The following KCNMA1 variants were observed in gnomAD, a reference collection of about 807,000 sequenced individuals.
KCNMA1 encodes the protein Calcium-activated potassium channel subunit alpha-1.
KCNMA1 carries 29 observed loss-of-function variants against 140.0 expected under a neutral mutation model. The ratio of observed to expected loss-of-function variants is 0.21; its 90% CI spans 0.15 to 0.28. The LOEUF (loss-of-function observed/expected upper bound fraction) is 0.28. KCNMA1 is among the 10% of genes least tolerant of loss of function. The probability of loss-of-function intolerance (pLI) is 1.00; values close to 1 mark genes in which losing one functional copy is unlikely to be tolerated. For synonymous variants in KCNMA1, 612 were observed against 611.9 expected (o/e 1.00, Z 0.00); for missense variants, 880 against 1,602.2 (o/e 0.55, Z 7.70).
At chr10:77,502,852 G>A (rs898884242) in intron 1 of KCNMA1, among the ~76,000 whole-genome samples, 1 of 152,176 alleles carries the variant, frequency 6.6e-6, no homozygotes, top group African/African-American at 2.4e-5. Context: ...AATAGATACC[G>A]AACTGGAAGT....
intron 3 of KCNMA1, among the ~76,000 whole-genome samples, chr10:77,200,825 T>C (rs950768648): frequency 1.3e-5 from 2 of 152,120 alleles, no homozygotes; most frequent in African/African-American, 4.8e-5. Flanking sequence ...ATAGACAAAT[T>C]GTATACATGT....
chr10:77,324,601 G>A (rs901313069), intron 2 of KCNMA1, among the ~76,000 whole-genome samples: 1 of 152,070 alleles, frequency 6.6e-6, no homozygotes, highest in Admixed American at 6.5e-5. Flanking sequence ...TAGAGACAGG[G>A]TATCACTATG....
In KCNMA1 at chr10:77,108,226, A is replaced by G; in HGVS notation, c.1223+255T>C. The G allele has an allele frequency of 1.5e-6, 2 of 1,294,568 alleles. No individual in the cohort carries two copies. The highest frequency in any genetic ancestry group is 2.8e-5 in the Admixed American group (1 of 35,188). The allele number at this position is 1,294,568 out of a possible 1,614,324, so 80.2% of individuals were successfully genotyped here. On this transcript the variant is annotated intron_variant, in intron 9 of 27. Transcript: ENST00000286628. This position sits in a 1 kb window ranked among gnomAD's most constrained non-coding sequence, Gnocchi z 4.6. ...TGGGGAGGGGCAGAATTCAGATGGC[A>G]CCTCCACAGGGACTCCTGAAAGTCA...
intron 9 of KCNMA1, among the ~76,000 whole-genome samples, chr10:77,101,232 C>T (rs903817152): frequency 3.9e-5 from 6 of 152,114 alleles, no homozygotes; most frequent in Admixed American, 3.3e-4. Flanking sequence ...GAAGACATGG[C>T]ATCTAATGAC....
intron 7 of KCNMA1, among the ~76,000 whole-genome samples, 158 bp from the exon 8 acceptor site, chr10:77,110,501 G>A (rs1408623776): frequency 6.6e-6 from 1 of 152,234 alleles, no homozygotes; most frequent in South Asian, 2.1e-4. Context: ...TGTGAGTCAG[G>A]ATGCAGAGCT....
At chr10:77,357,093 A>G (rs918277523) in intron 2 of KCNMA1, among the ~76,000 whole-genome samples, 2 of 152,238 alleles carry the variant, frequency 1.3e-5, no homozygotes, top group African/African-American at 4.8e-5. Context: ...AGATGGAAAA[A>G]GAAATGAGTG....
intron 14 of KCNMA1, among the ~76,000 whole-genome samples, chr10:77,066,053 G>C (rs2095930069): frequency 1.3e-5 from 2 of 152,190 alleles, no homozygotes; most frequent in South Asian, 4.1e-4. Flanking sequence ...AGGACCTGCA[G>C]GCCATTGTAG....
intron 19 of KCNMA1, among the ~76,000 whole-genome samples, chr10:77,000,867 T>A (rs1478901451): frequency 0.39 from 15,375 of 38,974 alleles, 2,619 homozygotes; most frequent in Middle Eastern, 0.55. Flanking sequence ...AATATATATA[T>A]ATATATATAT....
intron 6 of KCNMA1, among the ~76,000 whole-genome samples, chr10:77,115,753 T>C (rs1259902658): frequency 6.6e-6 from 1 of 152,190 alleles, no homozygotes; most frequent in Admixed American, 6.5e-5. Context: ...GAACATTTAA[T>C]CATTGTTGCT....
intron 20 of KCNMA1, among the ~76,000 whole-genome samples, chr10:76,964,086 C>T (rs2072870274): frequency 6.6e-6 from 1 of 151,938 alleles, no homozygotes; most frequent in Admixed American, 6.6e-5. Flanking sequence ...TTAACACATC[C>T]TTCAACAGGG....
downstream of KCNMA1, chr10:76,873,018 T>C (rs1211131168): frequency 6.6e-6 from 1 of 152,124 alleles, no homozygotes; most frequent in Non-Finnish European, 1.5e-5. Flanking sequence ...GTGGTCTAAG[T>C]CAGAATTCTT....
intron 15 of KCNMA1, among the ~76,000 whole-genome samples, chr10:77,033,601 G>A (rs998975752): frequency 3.9e-5 from 6 of 152,158 alleles, no homozygotes; most frequent in Admixed American, 3.9e-4. Context: ...TATTATTAAT[G>A]AGAAACATAA....
chr10:77,247,091 G>A (rs1411081869), intron 3 of KCNMA1, among the ~76,000 whole-genome samples: 1 of 152,242 alleles, frequency 6.6e-6, no homozygotes, highest in Non-Finnish European at 1.5e-5. Context: ...GAAGTCACCA[G>A]TGAGCAGGAC....
At chr10:77,008,761 T>C (rs1359977459) in intron 18 of KCNMA1, among the ~76,000 whole-genome samples, 1 of 152,202 alleles carries the variant, frequency 6.6e-6, no homozygotes, top group Non-Finnish European at 1.5e-5. Flanking sequence ...TATTAATACC[T>C]GGACTAACAC....
chr10:76,975,325 G>A (rs576945785), intron 19 of KCNMA1: 7 of 152,248 alleles, frequency 4.6e-5, no homozygotes, highest in African/African-American at 1.4e-4. Context: ...AAAGTCTTAC[G>A]GCATGGCCAC....
intron 14 of KCNMA1, among the ~76,000 whole-genome samples, chr10:77,067,246 A>G (rs12358763): frequency 0.023 from 3,444 of 152,314 alleles, 59 homozygotes; most frequent in South Asian, 0.052. Context: ...ATAGAATAAA[A>G]AGGAGGAGTA....
chr10:77,101,075 A>G (rs1330598168), intron 9 of KCNMA1, among the ~76,000 whole-genome samples: 2 of 152,172 alleles, frequency 1.3e-5, no homozygotes, highest in Non-Finnish European at 2.9e-5. Flanking sequence ...ATATGCTTCC[A>G]AGTCTCTTTA....
At chr10:77,096,513 G>A (rs1196563457) in intron 9 of KCNMA1, among the ~76,000 whole-genome samples, 2 of 152,326 alleles carry the variant, frequency 1.3e-5, no homozygotes, top group East Asian at 1.9e-4. Flanking sequence ...ACTGCGATCA[G>A]GTTCTGCGAG....
chr10:76,977,495 C>T (rs2153222558), intron 19 of KCNMA1: 1 of 700,896 alleles, frequency 1.4e-6, no homozygotes, highest in Non-Finnish European at 2.6e-6. Flanking sequence ...TGAGGACTTG[C>T]CATAGAGACC....
Sources: gnomAD v4.1 joint callset for allele counts (sites outside exome capture counted in the v4.1 genomes callset) on GRCh38, gnomAD v4.1.1 for gene constraint, Gnocchi (gnomAD v3.1) non-coding constraint, MANE v1.5 for transcripts, NCBI Gene and HGNC (gene_info 2026-07-23, HGNC 2026-07-21) for gene names.